Variants in MAT2B observed in about 807,000 individuals in gnomAD.
MAT2B encodes methionine adenosyltransferase 2 non-catalytic beta subunit.
A neutral mutation model predicts 36.1 loss-of-function variants in MAT2B; 16 were observed. The ratio of observed to expected loss-of-function variants is 0.44; its 90% CI spans 0.30 to 0.67. The LOEUF is 0.67. Among genes scored for constraint, MAT2B ranks in the 30% least tolerant of loss-of-function variants. The probability of loss-of-function intolerance (pLI) is 0.09; values close to 1 mark genes in which losing one functional copy is unlikely to be tolerated. For synonymous variants in MAT2B, 148 were observed against 136.9 expected, an observed-to-expected ratio of 1.08 and a Z score of -0.57; for missense variants, 332 against 398.2, an observed-to-expected ratio of 0.83 and a Z score of 1.42.
At chr5:163,507,568 A>G (rs974389833) in intron 1 of MAT2B, among the ~76,000 whole-genome samples, 1 of 152,196 alleles carries the variant, frequency 6.6e-6, no homozygotes, top group African/African-American at 2.4e-5. Flanking sequence ...CAGGCAAAGT[A>G]TTATCAACTC....
At chr5:163,518,013 G>A (rs1760159081) in intron 6 of MAT2B, 180 bp from the exon 7 acceptor site, 1 of 526,598 alleles carries the variant, frequency 1.9e-6, no homozygotes, top group African/African-American at 1.9e-5. Context: ...AACACTTTGG[G>A]AGGCTGACGC....
chr5:163,513,110 A>G (rs1440971937), intron 2 of MAT2B: 1 of 171,660 alleles, frequency 5.8e-6, no homozygotes, highest in African/African-American at 2.4e-5. Flanking sequence ...CTCGGCCTCC[A>G]CAACAGTTAG....
intron 1 of MAT2B, among the ~76,000 whole-genome samples, chr5:163,509,777 T>C (rs1760009600): frequency 6.6e-6 from 1 of 152,240 alleles, no homozygotes; most frequent in South Asian, 2.1e-4. Flanking sequence ...TAGAGCTGTT[T>C]TCTTGCCAAA....
At chr5:163,514,206 T>A (rs926018203) in intron 4 of MAT2B, among the ~76,000 whole-genome samples, 2 of 152,214 alleles carry the variant, frequency 1.3e-5, no homozygotes, top group African/African-American at 4.8e-5. Context: ...GTTTACATAT[T>A]CATCTTTACA....
intron 2 of MAT2B, chr5:163,512,555 C>T (rs146643694): frequency 5.5e-4 from 213 of 385,826 alleles, no homozygotes; most frequent in African/African-American, 4.3e-3. Context: ...TTTTCGGTAT[C>T]ATTGATACTA....
rs769279452 is a variant in MAT2B at position 163,516,693 on chromosome 5, A to G, written c.702A>G (p.Leu234=). 7 of 1,614,204 alleles carry G rather than the reference A, an allele frequency of 4.3e-6. No homozygotes were observed. The Admixed American group carries it at 6.7e-5, about 15-fold the overall frequency. ...VKDVATVCRQ[L]AEKRMLDPSI... ...ATGTGGCCACTGTGTGCCGGCAGCTAGCAGAGAAGAGAATGCTGGTAAGAA... is the reference window on the plus strand; with the variant it reads ...ATGTGGCCACTGTGTGCCGGCAGCTGGCAGAGAAGAGAATGCTGGTAAGAA... The change falls in exon 5 of 7, where the codon CTA becomes CTG. Residue 234 remains leucine, a synonymous_variant. Coordinates refer to ENST00000321757, the MANE Select transcript of MAT2B (RefSeq NM_013283.5).
Position 163,514,672 on chromosome 5 carries a change from T to TA in MAT2B, c.526+679dup, listed in dbSNP as rs1760103332. Among the ~76,000 whole-genome samples, 3 of 152,206 alleles carry TA rather than the reference T, an allele frequency of 2.0e-5. No individual in the cohort carries two copies. In the South Asian group the frequency reaches 6.2e-4, roughly 32 times the overall value. ...ACATGGAACCTACTCTGGGATATCT[T>TA]ACTCCTATCAGTGGCTGCGTAGTAC... On this transcript the variant is annotated intron_variant, in intron 4 of 6. Transcript: ENST00000321757.
At position 163,518,381 on chromosome 5, in the gene MAT2B, CTTTTT is replaced by C. The variant is rs200442777; in HGVS notation, c.*26_*30del. The stretch of plus-strand genomic sequence containing the variant: ...TTCATTAGTTTATTTGTGTTGGGTT[CTTTTT>C]TTTTTTTAAATGAAAAGTATAGTAT... On this transcript the variant is annotated 3_prime_UTR_variant, in exon 7 of 7. Transcript: ENST00000321757. The C allele has an allele frequency of 5.2e-6, 7 of 1,351,084 alleles. No individual in the cohort carries two copies. The Admixed American group carries it at 1.1e-4, about 22-fold the overall frequency. 83.7% of individuals were successfully genotyped at this position (1,351,084 alleles called of 1,614,324 possible).
At chr5:163,509,966 G>C (rs1382485640) in intron 1 of MAT2B, among the ~76,000 whole-genome samples, 1 of 152,036 alleles carries the variant, frequency 6.6e-6, no homozygotes, top group Non-Finnish European at 1.5e-5. Flanking sequence ...TTCCCTGTTA[G>C]TCTTTTCATT....
intron 4 of MAT2B, among the ~76,000 whole-genome samples, chr5:163,516,016 G>A (rs1398180327): frequency 1.3e-5 from 2 of 151,738 alleles, no homozygotes; most frequent in East Asian, 3.9e-4. Flanking sequence ...TTACAGTCAT[G>A]AGCCCCACCG....
intron 4 of MAT2B, among the ~76,000 whole-genome samples, chr5:163,515,858 T>C (rs1162950648): frequency 2.9e-5 from 4 of 136,070 alleles, no homozygotes; most frequent in South Asian, 5.0e-4. Context: ...CACTATAGCC[T>C]TGACCTCCTT....
chr5:163,515,602 T>G (rs1012453233), intron 4 of MAT2B, among the ~76,000 whole-genome samples: 1 of 152,088 alleles, frequency 6.6e-6, no homozygotes, highest in African/African-American at 2.4e-5. Flanking sequence ...AAAAATGTCC[T>G]TTATTGCTTT....
At chr5:163,505,349 AGAAAAAAAG>A (rs950479862), upstream of MAT2B, among the ~76,000 whole-genome samples, 1 of 151,996 alleles carries the variant, frequency 6.6e-6, no homozygotes, top group Non-Finnish European at 1.5e-5. Context: ...TCCCGAGTCA[AGAAAAAAAG>A]GAAAAAAAGT....
intron 3 of MAT2B, 33 bp downstream of exon 3, chr5:163,513,702 A>G: frequency 6.4e-7 from 1 of 1,560,482 alleles, no homozygotes; most frequent in Non-Finnish European, 8.8e-7. Flanking sequence ...TTCATAAAAT[A>G]TTAAGTGATT....
At position 163,513,975 on chromosome 5, in the gene MAT2B, T is replaced by C. The variant is rs183216928; in HGVS notation, c.507T>C (p.Ala169=). Residue 169 remains alanine (A), a synonymous_variant, in exon 4 of 7, where the codon GCT becomes GCC. Coordinates refer to ENST00000321757, the MANE Select transcript of MAT2B (RefSeq NM_013283.5). The stretch of plus-strand genomic sequence containing the variant: ...AAACAAAATTAGATGGAGAAAAGGC[T>C]GTCCTGGAGAACAATCTAGGTAAGA... ...YGKTKLDGEK[A]VLENNLGAAV... The C allele has an allele frequency of 1.9e-6, 3 of 1,613,248 alleles. No individual in the cohort carries two copies. In the African/African-American group the frequency reaches 4.0e-5, roughly 22 times the overall value.
chr5:163,517,515 G>C, intron 5 of MAT2B, 46 bp from the exon 6 acceptor site: 1 of 1,187,012 alleles, frequency 8.4e-7, no homozygotes, highest in Non-Finnish European at 1.3e-6. Flanking sequence ...ATTCTACTCA[G>C]CTCAAAAAGT....
chr5:163,505,591 G>C, upstream of MAT2B: 1 of 1,247,954 alleles, frequency 8.0e-7, no homozygotes, highest in Non-Finnish European at 1.0e-6. Flanking sequence ...TCTGGGCCTA[G>C]GGGAGGCGGG....
At chr5:163,517,391 C>CTA in intron 5 of MAT2B, 170 bp from the exon 6 acceptor site, 1 of 398,254 alleles carries the variant, frequency 2.5e-6, no homozygotes, top group Non-Finnish European at 4.6e-6. Context: ...AAGTGTTTTG[C>CTA]TAAGAGTATT....
chr5:163,505,401 A>G (rs1759909733), upstream of MAT2B: 7 of 617,554 alleles, frequency 1.1e-5, no homozygotes, highest in Non-Finnish European at 1.6e-5. Context: ...AATCTCCGAA[A>G]CAAAACCTGA....
Sources: gnomAD v4.1 joint callset for allele counts (sites outside exome capture counted in the v4.1 genomes callset) on GRCh38, gnomAD v4.1.1 for gene constraint, MANE v1.5 for transcripts, NCBI Gene and HGNC (gene_info 2026-07-23, HGNC 2026-07-21) for gene names.